ACACA: variants seen among roughly 807,000 people sequenced by gnomAD.
The protein encoded by ACACA is acetyl-CoA carboxylase 1.
A neutral mutation model predicts 296.1 loss-of-function variants in ACACA; 103 were observed. The ratio of observed to expected loss-of-function variants is 0.35; its 90% CI spans 0.30 to 0.41. The LOEUF (loss-of-function observed/expected upper bound fraction) is 0.41. ACACA is among the 10% of genes least tolerant of loss of function. ACACA has a pLI of 1.00. For missense variants in ACACA, 1,554 were observed against 2,989.7 expected (o/e 0.52, Z 11.20); for synonymous variants, 953 against 1,038.6 (o/e 0.92, Z 1.58).
intron 2 of ACACA, among the ~76,000 whole-genome samples, chr17:37,332,566 T>C: frequency 7.1e-6 from 1 of 140,610 alleles, no homozygotes. Context: ...AGTCCAGGAG[T>C]TCAAGACTAG....
intron 45 of ACACA, among the ~76,000 whole-genome samples, chr17:37,137,364 CT>C (rs2075376252): frequency 6.6e-6 from 1 of 152,088 alleles, no homozygotes; most frequent in African/African-American, 2.4e-5. Flanking sequence ...TCTCTGTGGC[CT>C]TTTGGTTTGT....
chr17:37,329,969 C>G (rs1403144190), intron 3 of ACACA, among the ~76,000 whole-genome samples: 1 of 151,922 alleles, frequency 6.6e-6, no homozygotes, highest in Non-Finnish European at 1.5e-5. Context: ...CAAAAAAAAC[C>G]TAGTAGGACA....
At chr17:37,196,880 T>TCA (rs1287423512) in intron 35 of ACACA, among the ~76,000 whole-genome samples, 1 of 152,186 alleles carries the variant, frequency 6.6e-6, no homozygotes, top group African/African-American at 2.4e-5. Context: ...CAGATGAACA[T>TCA]CATGATCTAC....
chr17:37,100,365 G>A (rs960653776), intron 52 of ACACA, among the ~76,000 whole-genome samples: 1 of 152,062 alleles, frequency 6.6e-6, no homozygotes, highest in Non-Finnish European at 1.5e-5. Flanking sequence ...ATCACCAAGA[G>A]GACAGACTGA....
intron 24 of ACACA, among the ~76,000 whole-genome samples, chr17:37,237,183 T>C (rs1446136771): frequency 6.6e-6 from 1 of 152,222 alleles, no homozygotes; most frequent in Non-Finnish European, 1.5e-5. Flanking sequence ...TTTTGTTCAG[T>C]GTATGCCTTG....
At chr17:37,285,071 A>G in intron 3 of ACACA, 101 bp from the exon 4 acceptor site, 1 of 1,312,454 alleles carries the variant, frequency 7.6e-7, no homozygotes, top group Non-Finnish European at 1.1e-6. Context: ...GCATCCTGTG[A>G]AGACTGCATG....
Position 37,201,529 on chromosome 17 carries a change from C to A in ACACA, c.4057-1046G>T, listed in dbSNP as rs1044346040. ...ACCTAAAGCCTTCCTCTTCCCTATA[C>A]TGTTCACTTGCTTCAAAAGGCAGGG... On this transcript the variant is annotated intron_variant, in intron 33 of 55. Transcript: ENST00000616317. 5.6e-4 allele frequency among the ~76,000 whole-genome samples: 85 copies of A among 151,652 alleles called. 1 individual carries two copies. The highest frequency in any genetic ancestry group is 3.8e-3 in the Admixed American group (58 of 15,252).
intron 8 of ACACA, 65 bp from the exon 9 acceptor site, chr17:37,274,364 T>C: frequency 1.4e-6 from 2 of 1,423,836 alleles, no homozygotes; most frequent in Non-Finnish European, 2.0e-6. Flanking sequence ...TTTTCTGCTC[T>C]GCATTCTTTG....
rs190905032 is a variant in ACACA, at chr17:37,115,545, C to T, written c.6275-2280G>A. Among the ~76,000 whole-genome samples the T allele has an allele frequency of 4.6e-5, 7 of 152,078 alleles. No individual in the cohort carries two copies. In the East Asian group the frequency reaches 1.4e-3, roughly 29 times the overall value. On this transcript the variant is annotated intron_variant, in intron 50 of 55. Coordinates refer to ENST00000616317, the MANE Select transcript of ACACA (RefSeq NM_198834.3). ...TAGAGGTAAGTGAAGACAAAGTTTC[C>T]AGCTCTTTTACTCACTTCTTCTTGT...
chr17:37,187,078 T>TA (rs1472866841), intron 39 of ACACA, among the ~76,000 whole-genome samples: 4 of 152,080 alleles, frequency 2.6e-5, no homozygotes, highest in African/African-American at 7.2e-5. Context: ...AAAGTTGCAC[T>TA]AAAAAAACAT....
At chr17:37,331,339 G>A (rs536046820) in intron 2 of ACACA, among the ~76,000 whole-genome samples, 6 of 151,440 alleles carry the variant, frequency 4.0e-5, no homozygotes, top group African/African-American at 1.2e-4. Flanking sequence ...GGATGGTCTC[G>A]ATCTCCTGAC....
At chr17:37,355,910 T>C (rs1268391922) in intron 1 of ACACA, among the ~76,000 whole-genome samples, 2 of 151,132 alleles carry the variant, frequency 1.3e-5, no homozygotes, top group Non-Finnish European at 2.9e-5. Context: ...GGCTCACGCC[T>C]GTAATCCCAA....
intron 2 of ACACA, among the ~76,000 whole-genome samples, chr17:37,337,831 C>T (rs2048195299): frequency 6.6e-6 from 1 of 152,136 alleles, no homozygotes; most frequent in Non-Finnish European, 1.5e-5. Context: ...GGCGCAGTGG[C>T]TCACGCCTGT....
chr17:37,299,689 T>C, intron 3 of ACACA: 1 of 1,028,900 alleles, frequency 9.7e-7, no homozygotes, highest in Non-Finnish European at 1.2e-6. Flanking sequence ...TCTCCTTTAG[T>C]TGCAGCAAAC....
intron 45 of ACACA, among the ~76,000 whole-genome samples, chr17:37,142,863 A>C (rs1242585571): frequency 1.3e-5 from 2 of 152,268 alleles, no homozygotes; most frequent in African/African-American, 4.8e-5. Context: ...ACTGTCATCT[A>C]ACATTTTCTT....
At chr17:37,230,540 T>C (rs1477848621) in intron 25 of ACACA, among the ~76,000 whole-genome samples, 1 of 152,230 alleles carries the variant, frequency 6.6e-6, no homozygotes, top group Non-Finnish European at 1.5e-5. Context: ...TCATTAATAC[T>C]TAGAAAAAAA....
chr17:37,375,241 C>T (rs1230368127), intron 1 of ACACA, among the ~76,000 whole-genome samples: 1 of 151,868 alleles, frequency 6.6e-6, no homozygotes, highest in Admixed American at 6.6e-5. Context: ...AATCCCAGCA[C>T]TTCGGGAGGC....
intron 3 of ACACA, among the ~76,000 whole-genome samples, chr17:37,291,588 AT>A (rs2083070931): frequency 6.6e-6 from 1 of 152,154 alleles, no homozygotes; most frequent in South Asian, 2.1e-4. Flanking sequence ...ATGGGCAGTG[AT>A]TTGGACGAGC....
In ACACA at chr17:37,161,875, T is replaced by C. The variant is rs777465482; in HGVS notation, c.5255A>G (p.Tyr1752Cys). 1.2e-6 allele frequency: 2 copies of C among 1,614,166 alleles called. No individual in the cohort carries two copies. The highest frequency in any genetic ancestry group is 1.7e-6 in the Non-Finnish European group (2 of 1,180,014). Reference protein sequence around the residue: ...LARAEGIPRIYVSANSGARIG... With the variant: ...LARAEGIPRICVSANSGARIG... ...TCTTGCTCCACTGTTGGCTGATACA[T>C]AGATGCGTGGAATACCTTCTGCCCT... Residue 1752 changes from tyrosine (Y) to cysteine (C), a missense_variant, in exon 42 of 56, where the codon TAT (tyrosine) becomes TGT (cysteine). Transcript: ENST00000616317.
Sources: gnomAD v4.1 joint callset for allele counts (sites outside exome capture counted in the v4.1 genomes callset) on GRCh38, gnomAD v4.1.1 for gene constraint, MANE v1.5 for transcripts, NCBI Gene and HGNC (gene_info 2026-07-23, HGNC 2026-07-21) for gene names.